DLGAP2: variants seen among roughly 807,000 people sequenced by gnomAD.
DLGAP2 encodes DLG associated protein 2, also known as disks large-associated protein 2.
DLGAP2 carries 26 observed loss-of-function variants against 100.3 expected under a neutral mutation model. The observed-to-expected ratio is 0.26, with a 90% CI of 0.19 to 0.36. The LOEUF (loss-of-function observed/expected upper bound fraction) is 0.36, where lower values mean the gene tolerates loss of function less well. Ranked by LOEUF, DLGAP2 falls within the 10% of genes least tolerant of loss-of-function variation. The pLI, the probability that DLGAP2 is intolerant of heterozygous loss-of-function variation, is 1.00. For missense variants in DLGAP2, 1,858 were observed against 1,453.2 expected (o/e 1.28, Z -4.53); for synonymous variants, 886 against 630.1 (o/e 1.41, Z -6.08).
intron 2 of DLGAP2, among the ~76,000 whole-genome samples, chr8:1,043,488 T>C (rs535871160): frequency 1.3e-5 from 2 of 151,968 alleles, no homozygotes; most frequent in South Asian, 4.2e-4. Context: ...GTGTCTACCC[T>C]GGGGCTTCTC....
intron 1 of DLGAP2, among the ~76,000 whole-genome samples, chr8:846,644 A>G (rs1797076282): frequency 6.6e-6 from 1 of 152,196 alleles, no homozygotes; most frequent in South Asian, 2.1e-4. Flanking sequence ...CCTTTTGATA[A>G]TACCCAGTAG....
chr8:1,265,453 G>T (rs77564957), intron 3 of DLGAP2, among the ~76,000 whole-genome samples: 1 of 152,174 alleles, frequency 6.6e-6, no homozygotes. Flanking sequence ...ATCAAGTTGC[G>T]TGGAAGATGG....
chr8:880,343 C>T (rs1040055852), intron 1 of DLGAP2, among the ~76,000 whole-genome samples: 1 of 152,228 alleles, frequency 6.6e-6, no homozygotes, highest in African/African-American at 2.4e-5. Context: ...GTGCTTCTGT[C>T]TCACATGAGA....
At chr8:1,303,500 C>G (rs916083485) in intron 3 of DLGAP2, among the ~76,000 whole-genome samples, 2 of 151,860 alleles carry the variant, frequency 1.3e-5, no homozygotes, top group Admixed American at 6.6e-5. Flanking sequence ...GAAATAAGAT[C>G]TCAGCTTCGC....
intron 1 of DLGAP2, among the ~76,000 whole-genome samples, chr8:790,017 A>G (rs1821985402): frequency 6.6e-6 from 1 of 152,318 alleles, no homozygotes. Flanking sequence ...TAATTCAGTC[A>G]TGGGACGGAC....
chr8:1,288,430 AGTGTGT>A (rs1239357278), intron 3 of DLGAP2, among the ~76,000 whole-genome samples: 3 of 105,562 alleles, frequency 2.8e-5, no homozygotes, highest in Non-Finnish European at 3.8e-5. Context: ...GTTTTGGTTC[AGTGTGT>A]GTGTGTGTGT....
At chr8:1,636,865 C>T (rs1797778384) in intron 8 of DLGAP2, among the ~76,000 whole-genome samples, 1 of 152,240 alleles carries the variant, frequency 6.6e-6, no homozygotes, top group Non-Finnish European at 1.5e-5. Context: ...AAATGGATGT[C>T]AGCTGGGCTG....
In DLGAP2 at chr8:890,824, G is replaced by T. The variant is rs547862702; in HGVS notation, c.19-17088G>T. Among the ~76,000 whole-genome samples the T allele has an allele frequency of 1.1e-4, 16 of 152,172 alleles. No homozygotes were observed. The East Asian group carries it at 2.9e-3, about 28-fold the overall frequency. On this transcript the variant is annotated intron_variant, in intron 1 of 14. Coordinates refer to ENST00000637795, the MANE Select transcript of DLGAP2 (RefSeq NM_001346810.2). ...TCCCCTCTGTGCCCAAGCCACCCTG[G>T]GGCGTTTCCCGACCCCCCTAAACTC...
At chr8:1,535,571 C>G (rs1422607454) in intron 4 of DLGAP2, among the ~76,000 whole-genome samples, 1 of 152,208 alleles carries the variant, frequency 6.6e-6, no homozygotes. Flanking sequence ...TGAACTCTTG[C>G]ATTGTTGGTA....
intron 12 of DLGAP2, among the ~76,000 whole-genome samples, chr8:1,684,240 A>T (rs1208563207): frequency 6.6e-6 from 1 of 151,790 alleles, no homozygotes; most frequent in East Asian, 1.9e-4. Context: ...GATTTTCTTA[A>T]TTTCTTAAAT....
chr8:1,256,325 T>C (rs79096344), intron 2 of DLGAP2, among the ~76,000 whole-genome samples: 5,649 of 100,634 alleles, frequency 0.056, 806 homozygotes, highest in African/African-American at 0.21. Flanking sequence ...TCTCATCCTG[T>C]CTGGGTGCCA....
At chr8:1,532,960 T>C (rs1801032549) in intron 4 of DLGAP2, among the ~76,000 whole-genome samples, 1 of 152,146 alleles carries the variant, frequency 6.6e-6, no homozygotes, top group Non-Finnish European at 1.5e-5. Context: ...CACACCTTTG[T>C]TGGGCTCTGA....
At chr8:1,213,061 G>C (rs1798139585) in intron 2 of DLGAP2, among the ~76,000 whole-genome samples, 1 of 152,100 alleles carries the variant, frequency 6.6e-6, no homozygotes, top group Non-Finnish European at 1.5e-5. Flanking sequence ...CCACAGAACG[G>C]TGAGTATCCA....
chr8:768,418 ATT>A (rs58234397), intron 1 of DLGAP2, among the ~76,000 whole-genome samples: 21 of 99,958 alleles, frequency 2.1e-4, no homozygotes, highest in Admixed American at 1.2e-3. Context: ...GAAGGCGTTG[ATT>A]TTTTTTTTTT....
chr8:1,467,561 G>A (rs1171253378), intron 3 of DLGAP2, among the ~76,000 whole-genome samples: 1 of 152,178 alleles, frequency 6.6e-6, no homozygotes, highest in Non-Finnish European at 1.5e-5. Flanking sequence ...GAGTGGATGG[G>A]AGACCACGGG....
intron 3 of DLGAP2, among the ~76,000 whole-genome samples, chr8:1,462,974 C>T (rs4489342): frequency 0.49 from 74,813 of 152,128 alleles, 18,917 homozygotes; most frequent in East Asian, 0.84. Context: ...GTGGGCCAGG[C>T]GTAGTGGCTC....
intron 2 of DLGAP2, among the ~76,000 whole-genome samples, chr8:1,081,331 A>G (rs569821650): frequency 6.6e-6 from 1 of 152,330 alleles, no homozygotes; most frequent in African/African-American, 2.4e-5. Context: ...CTGGTTAATA[A>G]TAAGATACAT....
intron 1 of DLGAP2, among the ~76,000 whole-genome samples, chr8:887,756 G>T (rs1156576197): frequency 6.6e-6 from 1 of 152,116 alleles, no homozygotes; most frequent in African/African-American, 2.4e-5. Context: ...TAGTCTGATG[G>T]GCTTCCCTTT....
rs370417222 is a variant in DLGAP2, at chr8:1,342,347, C to T, written c.106+83464C>T. Among the ~76,000 whole-genome samples, 54 of 152,294 alleles carry T rather than the reference C, an allele frequency of 3.5e-4. 1 individual carries two copies. In the South Asian group the frequency reaches 0.011, roughly 30 times the overall value. ...AGCAATTTAGTGCATTGCTGGGTCC[C>T]ACAGATGATGCGTTTAATTTGTGAT... On this transcript the variant is annotated intron_variant, in intron 3 of 14. Transcript: ENST00000637795.
Sources: gnomAD v4.1 joint callset for allele counts (sites outside exome capture counted in the v4.1 genomes callset) on GRCh38, gnomAD v4.1.1 for gene constraint, MANE v1.5 for transcripts, NCBI Gene and HGNC (gene_info 2026-07-23, HGNC 2026-07-21) for gene names.